The following NLRC5 variants were observed in gnomAD, a reference collection of about 807,000 sequenced individuals.
The protein encoded by NLRC5 is NLR family CARD domain containing 5.
A neutral mutation model predicts 206.9 loss-of-function variants in NLRC5; 114 were observed. The ratio of observed to expected loss-of-function variants is 0.55; its 90% confidence interval spans 0.47 to 0.64. NLRC5 has a LOEUF of 0.64. Among genes scored for constraint, NLRC5 ranks in the 30% least tolerant of loss-of-function variants. The pLI is 0.00. For missense variants in NLRC5, 2,008 were observed against 2,305.5 expected (o/e 0.87, Z 2.64); for synonymous variants, 952 against 962.8 (o/e 0.99, Z 0.21).
In NLRC5 at chr16:57,025,104, T is replaced by A. The variant is rs2061142226; in HGVS notation, c.425-264T>A. On this transcript the variant is annotated intron_variant, in intron 5 of 48. Transcript: ENST00000688547. ...TTACACCACGTGTACTATTGCAGAA[T>A]GGATAGAACCGTGACCCACACTTCC... Among the ~76,000 whole-genome samples the A allele has an allele frequency of 2.0e-5, 3 of 152,284 alleles. No individual in the cohort carries two copies. The South Asian group carries it at 6.2e-4, about 32-fold the overall frequency.
At chr16:57,009,793 TA>T (rs1399893381) in intron 1 of NLRC5, among the ~76,000 whole-genome samples, 7 of 152,164 alleles carry the variant, frequency 4.6e-5, no homozygotes, top group African/African-American at 1.7e-4. Context: ...AACATCTTGG[TA>T]GTGCTGGGCA....
At chr16:57,065,359 C>T (rs2066971389) in intron 33 of NLRC5, 61 bp downstream of exon 33, 1 of 1,207,642 alleles carries the variant, frequency 8.3e-7, no homozygotes. Flanking sequence ...TGGGACTTTT[C>T]CTTGACCTTC....
At chr16:57,013,773 G>A (rs142549695) in intron 1 of NLRC5, 1 of 706,904 alleles carries the variant, frequency 1.4e-6, no homozygotes, top group African/African-American at 1.8e-5. Flanking sequence ...TCAGAACTTG[G>A]TATTTTCATT....
chr16:56,995,642 G>T (rs1439001246), intron 1 of NLRC5, among the ~76,000 whole-genome samples: 1 of 152,114 alleles, frequency 6.6e-6, no homozygotes, highest in Non-Finnish European at 1.5e-5. Flanking sequence ...AGAACCCCTT[G>T]TCCTGCACGG....
At chr16:57,079,377 C>A (rs1454725198) in intron 45 of NLRC5, 85 bp downstream of exon 45, 3 of 1,496,546 alleles carry the variant, frequency 2.0e-6, no homozygotes, top group South Asian at 2.3e-5. Context: ...CCTGGGGAGG[C>A]CTTTGAAGTG....
At chr16:57,077,491 T>A in intron 41 of NLRC5, 112 bp downstream of exon 41, 1 of 1,106,834 alleles carries the variant, frequency 9.0e-7, no homozygotes, top group Non-Finnish European at 1.3e-6. Context: ...CCAACCTCAG[T>A]GTCCAGGCAG....
At chr16:57,013,255 TC>T in intron 1 of NLRC5, 1 of 541,448 alleles carries the variant, frequency 1.8e-6, no homozygotes, top group Admixed American at 2.9e-5. Flanking sequence ...TCTTTGGCAC[TC>T]CAGGATTTTG....
intron 1 of NLRC5, among the ~76,000 whole-genome samples, chr16:57,011,247 T>C (rs1167513): frequency 0.81 from 123,288 of 151,706 alleles, 51,921 homozygotes; most frequent in Non-Finnish European, 0.94. Flanking sequence ...ACCCCGTCTC[T>C]ACTAAAAATA....
At chr16:57,037,687 C>T (rs756624671) in intron 15 of NLRC5, among the ~76,000 whole-genome samples, 8 of 152,110 alleles carry the variant, frequency 5.3e-5, no homozygotes, top group African/African-American at 1.9e-4. Context: ...GAGAGCAGAC[C>T]GTCAGTTCAT....
intron 37 of NLRC5, 26 bp from the exon 38 acceptor site, chr16:57,070,509 C>A (rs757714194): frequency 1.2e-6 from 2 of 1,609,414 alleles, no homozygotes; most frequent in Admixed American, 1.7e-5. Context: ...CTGCGCTAAC[C>A]CTTGCCTCTG....
In NLRC5 at chr16:57,070,516, T is replaced by G. The variant is rs1173550873; in HGVS notation, c.4584-19T>G. 6.2e-7 allele frequency: 1 copy of G among 1,612,278 alleles called. No individual in the cohort carries two copies. Among genetic ancestry groups the G allele is most frequent in the South Asian group, 1.1e-5 (1 of 91,048 alleles). On this transcript the variant is annotated intron_variant, in intron 37 of 48. Coordinates refer to ENST00000688547, the MANE Select transcript of NLRC5 (RefSeq NM_001384950.1). The stretch of plus-strand genomic sequence containing the variant: ...TGGGCAGGCTGCGCTAACCCTTGCC[T>G]CTGCCTGGTCTTCTGCAGCTTGTCT...
intron 16 of NLRC5, among the ~76,000 whole-genome samples, chr16:57,040,403 T>A (rs2063138142): frequency 6.6e-6 from 1 of 152,160 alleles, no homozygotes; most frequent in Admixed American, 6.5e-5. Context: ...GCAGTCAAGG[T>A]CAATTGAGTA....
rs1264677470 is a variant in NLRC5 at position 57,027,021 on chromosome 16, G to A, written c.2075+3G>A. ...TGTGGGCAGATAGAGAATCTCAGGT[G>A]AGTAAGAGTGGAGGAGGACCGGGGA... On this transcript the variant is annotated splice_donor_region_variant and intron_variant, in intron 6 of 48. Coordinates refer to ENST00000688547, the MANE Select transcript of NLRC5 (RefSeq NM_001384950.1). The A allele has an allele frequency of 3.7e-6, 6 of 1,611,364 alleles. No individual in the cohort carries two copies. The East Asian group carries it at 6.7e-5, about 18-fold the overall frequency.
At chr16:57,055,608 A>ATGTG in intron 27 of NLRC5, 89 bp downstream of exon 27, 3 of 1,033,526 alleles carry the variant, frequency 2.9e-6, no homozygotes, top group Non-Finnish European at 4.5e-6. Flanking sequence ...GTGTGCACAT[A>ATGTG]CACTCATGTG....
In NLRC5 at chr16:57,026,439, T is replaced by G; in HGVS notation, c.1496T>G (p.Val499Gly). Residue 499 changes from valine to glycine, a missense_variant, in exon 6 of 49, where the codon GTC becomes GGC. Transcript: ENST00000688547. ...ATHSLLTSFC[V>G]CTGPGHQQTG... Reference sequence around the variant, plus strand: ...CACAGCCTGCTGACTTCCTTCTGCGTCTGCACAGGCCCTGGGCACCAGCAG... The same window carrying G: ...CACAGCCTGCTGACTTCCTTCTGCGGCTGCACAGGCCCTGGGCACCAGCAG... The G allele has an allele frequency of 1.2e-6, 2 of 1,614,158 alleles. No individual in the cohort carries two copies. The highest frequency in any genetic ancestry group is 1.7e-6 in the Non-Finnish European group (2 of 1,180,014).
intron 9 of NLRC5, 50 bp from the exon 10 acceptor site, chr16:57,029,944 GC>G (rs1567562407): frequency 6.2e-7 from 1 of 1,607,410 alleles, no homozygotes; most frequent in South Asian, 1.1e-5. Flanking sequence ...AAGGTCTGGG[GC>G]CCCTGGGGTA....
chr16:57,050,436 A>G (rs1177485258), intron 23 of NLRC5, among the ~76,000 whole-genome samples: 3 of 152,222 alleles, frequency 2.0e-5, no homozygotes, highest in Admixed American at 1.3e-4. Context: ...AGCAGCAGAG[A>G]TGGGCCAGGC....
At position 57,077,852 on chromosome 16, in the gene NLRC5, C is replaced by G. The variant is rs374959655; in HGVS notation, c.5003+50C>G. The G allele has an allele frequency of 2.0e-5, 32 of 1,590,510 alleles. 1 individual carries two copies. In the African/African-American group the frequency reaches 3.2e-4, roughly 16 times the overall value. ...TGCCCTCTGTGCCCCCCAGGTCCAC[C>G]TGGCCTCCTCTCCCGCAGTGGGCAC... On this transcript the variant is annotated intron_variant, in intron 42 of 48. Transcript: ENST00000688547.
chr16:57,064,025 A>G (rs1373388138), intron 32 of NLRC5, among the ~76,000 whole-genome samples: 2 of 152,040 alleles, frequency 1.3e-5, no homozygotes, highest in African/African-American at 4.8e-5. Context: ...GGTGTGAGCC[A>G]CTGCACCCAG....
Sources: allele counts gnomAD v4.1 joint callset (sites outside exome capture counted in the v4.1 genomes callset), GRCh38; gene constraint gnomAD v4.1.1; transcripts MANE v1.5; gene names NCBI Gene and HGNC (gene_info 2026-07-23, HGNC 2026-07-21).